The following CUX2 variants were observed in gnomAD, a reference collection of about 807,000 sequenced individuals.
The protein encoded by CUX2 is cut like homeobox 2.
A neutral mutation model predicts 144.8 loss-of-function variants in CUX2; 40 were observed. That is an observed-to-expected ratio of 0.28 (90% confidence interval 0.21 to 0.36). The LOEUF (loss-of-function observed/expected upper bound fraction) is 0.36. Among genes scored for constraint, CUX2 ranks in the 10% least tolerant of loss-of-function variants. CUX2 has a pLI of 1.00. For synonymous variants in CUX2, 827 were observed against 875.6 expected (o/e 0.94, Z 0.98); for missense variants, 1,615 against 1,994.0 (o/e 0.81, Z 3.62).
At chr12:111,230,091 T>C (rs73415998) in intron 3 of CUX2, among the ~76,000 whole-genome samples, 2,163 of 150,056 alleles carry the variant, frequency 0.014, 49 homozygotes, top group African/African-American at 0.05. Flanking sequence ...AGGTCGAGGC[T>C]GCAACAGTGA....
intron 1 of CUX2, among the ~76,000 whole-genome samples, chr12:111,073,707 C>T (rs1203801776): frequency 6.6e-6 from 1 of 152,054 alleles, no homozygotes; most frequent in East Asian, 1.9e-4. Flanking sequence ...TGCCTATAAT[C>T]CCAATGCTTT....
chr12:111,204,245 A>G (rs1051901736), intron 1 of CUX2, among the ~76,000 whole-genome samples: 1 of 152,218 alleles, frequency 6.6e-6, no homozygotes, highest in African/African-American at 2.4e-5. Context: ...GCCTGCCTCA[A>G]ACTAAAAAAC....
Position 111,348,101 on chromosome 12 carries a change from G to A in CUX2, c.4237G>A (p.Val1413Ile), listed in dbSNP as rs753188849. Residue 1413 changes from valine (V) to isoleucine (I), a missense_variant, in exon 22 of 22, where the codon GTC becomes ATC. By Grantham distance (29) the Val-to-Ile change is conservative. This residue lies in a region of CUX2 where 298 missense variants were observed against 330.4 expected (regional missense o/e 0.90). Coordinates refer to ENST00000261726, the MANE Select transcript of CUX2 (RefSeq NM_015267.4). Reference protein sequence around the residue: ...SPGLMMSVSPVPSSSAPISPS... With the variant: ...SPGLMMSVSPIPSSSAPISPS... ...AGGCCTCATGATGTCTGTGTCACCT[G>A]TCCCCTCCTCCTCAGCTCCCATCTC... 6.2e-6 allele frequency: 10 copies of A among 1,613,950 alleles called. No individual in the cohort carries two copies. In the East Asian group the frequency reaches 2.2e-4, roughly 36 times the overall value.
intron 18 of CUX2, among the ~76,000 whole-genome samples, chr12:111,332,169 A>G (rs1484096378): frequency 7.8e-5 from 8 of 102,086 alleles, no homozygotes; most frequent in Middle Eastern, 0.013. Flanking sequence ...GTCTTGCTCT[A>G]TTGCCCAGGC....
At chr12:111,085,185 G>A (rs1177884959) in intron 1 of CUX2, among the ~76,000 whole-genome samples, 1 of 152,230 alleles carries the variant, frequency 6.6e-6, no homozygotes, top group African/African-American at 2.4e-5. Context: ...GTGTGCTGGA[G>A]TTGGCTCATA....
chr12:111,129,024 A>T (rs575784014), intron 1 of CUX2, among the ~76,000 whole-genome samples: 1 of 152,352 alleles, frequency 6.6e-6, no homozygotes, highest in East Asian at 1.9e-4. Flanking sequence ...AAAGATGCCC[A>T]CTAGGCATTT....
chr12:111,149,610 G>C (rs776877714), intron 1 of CUX2, among the ~76,000 whole-genome samples: 1 of 152,136 alleles, frequency 6.6e-6, no homozygotes, highest in Non-Finnish European at 1.5e-5. Flanking sequence ...CTGCTTTAAC[G>C]GGGGCTTCCT....
chr12:111,322,081 G>A lies in CUX2; in HGVS notation c.2767-340G>A, dbSNP rs1323934331. 1.3e-5 allele frequency among the ~76,000 whole-genome samples: 2 copies of A among 152,048 alleles called. No individual in the cohort carries two copies. Among genetic ancestry groups the A allele is most frequent in the African/African-American group, 4.8e-5 (2 of 41,392 alleles). ...ACCTATAATCCCAACACTGTGGGAG[G>A]CTGAGTTGGGTGGATCACTTGAGGT... On this transcript the variant is annotated intron_variant, in intron 17 of 21. Coordinates refer to ENST00000261726, the MANE Select transcript of CUX2 (RefSeq NM_015267.4). This position sits in a 1 kb window ranked among gnomAD's most constrained non-coding sequence, Gnocchi z 4.2.
chr12:111,290,358 C>T (rs1885607511), intron 4 of CUX2, among the ~76,000 whole-genome samples: 1 of 152,178 alleles, frequency 6.6e-6, no homozygotes, highest in African/African-American at 2.4e-5. Flanking sequence ...ACCTCCCAGG[C>T]TCAAGTGATC....
chr12:111,226,882 A>AT (rs1338796341), intron 3 of CUX2, among the ~76,000 whole-genome samples: 2 of 152,196 alleles, frequency 1.3e-5, no homozygotes, highest in African/African-American at 4.8e-5. Flanking sequence ...GTGTATGAAA[A>AT]TTTACAAGGC....
At chr12:111,201,164 TC>T (rs1326068294) in intron 1 of CUX2, among the ~76,000 whole-genome samples, 1 of 152,096 alleles carries the variant, frequency 6.6e-6, no homozygotes, top group Non-Finnish European at 1.5e-5. Flanking sequence ...AGGCATTGGC[TC>T]CTTGCCAGTC....
intron 16 of CUX2, among the ~76,000 whole-genome samples, chr12:111,319,461 G>A (rs575729465): frequency 3.7e-4 from 57 of 152,116 alleles, no homozygotes; most frequent in Admixed American, 1.6e-3. Flanking sequence ...AGGTCAGGCC[G>A]GGCACTGTGG....
chr12:111,102,096 C>G (rs1182017584), intron 1 of CUX2, among the ~76,000 whole-genome samples: 3 of 152,182 alleles, frequency 2.0e-5, no homozygotes, highest in Admixed American at 6.5e-5. Context: ...GTAGCCTTGC[C>G]CACTGTGTGC....
intron 9 of CUX2, among the ~76,000 whole-genome samples, chr12:111,301,898 C>G (rs1886313410): frequency 6.6e-6 from 1 of 152,204 alleles, no homozygotes; most frequent in African/African-American, 2.4e-5. Flanking sequence ...GGAAGGAAAC[C>G]TCTGGGGTTC....
At chr12:111,056,685 G>A (rs188611703) in intron 1 of CUX2, among the ~76,000 whole-genome samples, 2 of 152,356 alleles carry the variant, frequency 1.3e-5, no homozygotes, top group Non-Finnish European at 1.5e-5. Flanking sequence ...GGTTCAAAGG[G>A]AGGAGGACGT....
intron 1 of CUX2, among the ~76,000 whole-genome samples, chr12:111,161,450 ACACT>A (rs1317822178): frequency 2.0e-5 from 3 of 152,162 alleles, no homozygotes; most frequent in African/African-American, 7.2e-5. Flanking sequence ...TGTTACTGAA[ACACT>A]CTCTTGCATG....
chr12:111,152,803 T>C (rs1293716232), intron 1 of CUX2, among the ~76,000 whole-genome samples: 1 of 152,104 alleles, frequency 6.6e-6, no homozygotes, highest in Non-Finnish European at 1.5e-5. Context: ...GAAGGAGGTG[T>C]TAGCTTCCCA....
intron 1 of CUX2, among the ~76,000 whole-genome samples, chr12:111,185,019 G>A (rs902257840): frequency 6.7e-5 from 10 of 149,474 alleles, no homozygotes; most frequent in Admixed American, 1.3e-4. Context: ...AACCAAGATG[G>A]CGCCACTGCA....
intron 1 of CUX2, among the ~76,000 whole-genome samples, chr12:111,138,009 G>A (rs569010057): frequency 6.6e-5 from 10 of 152,230 alleles, no homozygotes; most frequent in Non-Finnish European, 1.2e-4. Context: ...GAAAGAGACC[G>A]TATGGGTAGG....
Sources: gnomAD v4.1 joint callset for allele counts (sites outside exome capture counted in the v4.1 genomes callset) on GRCh38, gnomAD v4.1.1 for gene constraint, gnomAD v4.1.1 regional missense constraint, Gnocchi (gnomAD v3.1) non-coding constraint, MANE v1.5 for transcripts, NCBI Gene and HGNC (gene_info 2026-07-23, HGNC 2026-07-21) for gene names.